The following ADAMTSL3 variants were observed in gnomAD, a reference collection of about 807,000 sequenced individuals.
ADAMTSL3 encodes ADAMTS-like protein 3.
A neutral mutation model predicts 201.7 loss-of-function variants in ADAMTSL3; 128 were observed. The observed-to-expected ratio is 0.63, with a 90% CI of 0.55 to 0.73. The LOEUF is 0.73. Ranked by LOEUF, ADAMTSL3 falls within the 30% of genes least tolerant of loss-of-function variation. The pLI is 0.00. For missense variants in ADAMTSL3, 1,990 were observed against 2,119.6 expected (o/e 0.94, Z 1.20); for synonymous variants, 738 against 748.4 (o/e 0.99, Z 0.23).
At chr15:83,701,111 G>C (rs2061770398) in intron 2 of ADAMTSL3, among the ~76,000 whole-genome samples, 1 of 152,150 alleles carries the variant, frequency 6.6e-6, no homozygotes. Flanking sequence ...TTTTCTTAGA[G>C]TAACACCTGT....
rs2066199766 is a variant in ADAMTSL3, at chr15:83,923,997, T to C, written c.2081T>C (p.Met694Thr). The C allele has an allele frequency of 1.2e-6, 2 of 1,614,148 alleles. No individual in the cohort carries two copies. Among genetic ancestry groups the C allele is most frequent in the African/African-American group, 1.3e-5 (1 of 75,068 alleles). ...GATATGGTCCACCGTCCTCCAGCCATGAGCCAGGCCTGTAACACAGAGCCC... is the reference window on the plus strand; with the variant it reads ...GATATGGTCCACCGTCCTCCAGCCACGAGCCAGGCCTGTAACACAGAGCCC... The part of the protein sequence containing the change: ...LCDMVHRPPA[M>T]SQACNTEPCP... Residue 694 changes from methionine to threonine, a missense_variant, in exon 17 of 30, where the codon ATG (methionine) becomes ACG (threonine). By Grantham distance (81) the Met-to-Thr change is moderately conservative. Transcript: ENST00000286744.
rs80283517 is a variant in ADAMTSL3, at chr15:83,812,704, C to G, written c.364-7107C>G. Among the ~76,000 whole-genome samples, 1,558 of 152,294 alleles carry G rather than the reference C, an allele frequency of 0.01. 101 individuals carry two copies. In the East Asian group the frequency reaches 0.18, roughly 18 times the overall value. ...CCATGGGAATGCCTGAAGGCTCAGG[C>G]TGTCAGCCTTAAGACCATGGGTTGT... is the stretch of plus-strand genomic sequence containing the variant. On this transcript the variant is annotated intron_variant, in intron 5 of 29. Coordinates refer to ENST00000286744, the MANE Select transcript of ADAMTSL3 (RefSeq NM_207517.3).
At chr15:83,927,046 G>C (rs2066259260) in intron 17 of ADAMTSL3, among the ~76,000 whole-genome samples, 1 of 151,950 alleles carries the variant, frequency 6.6e-6, no homozygotes, top group Non-Finnish European at 1.5e-5. Context: ...TCCCAACCAT[G>C]GCCCCCATGC....
At position 83,704,471 on chromosome 15, in the gene ADAMTSL3, CAG is replaced by C. The variant is rs1182991134; in HGVS notation, c.153_154del (p.Glu53AlafsTer8). The stretch of plus-strand genomic sequence containing the variant: ...CAGGGAAGTTTTCTGGAAGACACAA[CAG>C]GGGAGCAGTTCCTCACTTATCGCTA... On this transcript the variant is annotated frameshift_variant, in exon 3 of 30. Transcript: ENST00000286744. LOFTEE classifies it high-confidence loss of function. The C allele has an allele frequency of 6.2e-7, 1 of 1,614,078 alleles. No individual in the cohort carries two copies. The highest frequency in any genetic ancestry group is 1.3e-5 in the African/African-American group (1 of 74,930).
chr15:84,034,438 G>C (rs1337736207), intron 28 of ADAMTSL3, among the ~76,000 whole-genome samples: 2 of 152,142 alleles, frequency 1.3e-5, no homozygotes, highest in African/African-American at 4.8e-5. Context: ...GGAAGGTTTT[G>C]GGAGCTGTGG....
chr15:83,974,891 G>T (rs1477433041), intron 20 of ADAMTSL3, among the ~76,000 whole-genome samples: 2 of 151,178 alleles, frequency 1.3e-5, no homozygotes, highest in Non-Finnish European at 2.9e-5. Context: ...CTATTTTATT[G>T]AAATGTCAAG....
intron 1 of ADAMTSL3, among the ~76,000 whole-genome samples, chr15:83,655,502 G>A (rs548381787): frequency 6.6e-6 from 1 of 152,330 alleles, no homozygotes; most frequent in Admixed American, 6.5e-5. Context: ...GGTATGAGAT[G>A]CCCACTGGAG....
chr15:83,762,679 A>T (rs1311610727), intron 3 of ADAMTSL3, among the ~76,000 whole-genome samples: 1 of 152,158 alleles, frequency 6.6e-6, no homozygotes, highest in Non-Finnish European at 1.5e-5. Flanking sequence ...TAAAGGCCAC[A>T]CTTCTTAATA....
chr15:83,799,042 A>G (rs2063477856), intron 4 of ADAMTSL3, among the ~76,000 whole-genome samples: 1 of 152,030 alleles, frequency 6.6e-6, no homozygotes, highest in Non-Finnish European at 1.5e-5. Context: ...TTTTGGAAGT[A>G]CTCTGAGATT....
At chr15:83,848,975 C>T (rs772068055) in intron 7 of ADAMTSL3, among the ~76,000 whole-genome samples, 2 of 152,102 alleles carry the variant, frequency 1.3e-5, no homozygotes, top group African/African-American at 2.4e-5. Flanking sequence ...TCTCTTACCA[C>T]CAAATTTCAA....
intron 3 of ADAMTSL3, among the ~76,000 whole-genome samples, chr15:83,706,313 GC>G (rs2061850599): frequency 6.6e-6 from 1 of 152,106 alleles, no homozygotes; most frequent in African/African-American, 2.4e-5. Flanking sequence ...GGGAAAACAA[GC>G]CCCTTCAGTC....
At chr15:83,807,453 C>CAATA (rs1257917843) in intron 5 of ADAMTSL3, among the ~76,000 whole-genome samples, 1 of 151,850 alleles carries the variant, frequency 6.6e-6, no homozygotes, top group Non-Finnish European at 1.5e-5. Flanking sequence ...GAGACTGTCT[C>CAATA]AATAAATAAA....
rs573034294 is a variant in ADAMTSL3 at position 83,763,006 on chromosome 15, C to G, written c.190-10517C>G. 2.0e-5 allele frequency among the ~76,000 whole-genome samples: 3 copies of G among 152,238 alleles called. No individual in the cohort carries two copies. In the South Asian group the frequency reaches 6.2e-4, roughly 32 times the overall value. ...GGTTCAAGCAATTCTCGTGCCTCAG[C>G]CTCCTGAGTAACTGGGACTACAAGT... On this transcript the variant is annotated intron_variant, in intron 3 of 29. Coordinates refer to ENST00000286744, the MANE Select transcript of ADAMTSL3 (RefSeq NM_207517.3).
At chr15:84,026,502 T>C (rs2068310771) in intron 27 of ADAMTSL3, among the ~76,000 whole-genome samples, 1 of 152,152 alleles carries the variant, frequency 6.6e-6, no homozygotes, top group African/African-American at 2.4e-5. Context: ...AAAACAATTT[T>C]GAAAAGGAAC....
chr15:84,022,614 C>T (rs1229211771), intron 26 of ADAMTSL3, among the ~76,000 whole-genome samples: 1 of 152,178 alleles, frequency 6.6e-6, no homozygotes, highest in Non-Finnish European at 1.5e-5. Context: ...CCAAAATTCC[C>T]AGCACTGGGG....
chr15:83,975,496 G>C (rs1053209901), intron 20 of ADAMTSL3, among the ~76,000 whole-genome samples: 9 of 152,196 alleles, frequency 5.9e-5, no homozygotes, highest in African/African-American at 1.9e-4. Flanking sequence ...ACCCTCTTGG[G>C]CTGGCGGCAC....
chr15:83,822,072 G>T (rs1337358560), intron 6 of ADAMTSL3, among the ~76,000 whole-genome samples: 1 of 147,686 alleles, frequency 6.8e-6, no homozygotes, highest in Non-Finnish European at 1.5e-5. Flanking sequence ...CAGTAGGGGC[G>T]GCCGGGCAGA....
chr15:83,816,656 G>T (rs1038088870), intron 5 of ADAMTSL3, among the ~76,000 whole-genome samples: 1 of 152,284 alleles, frequency 6.6e-6, no homozygotes, highest in Admixed American at 6.5e-5. Context: ...ATGTAATTTT[G>T]TAACTGATGA....
At chr15:83,852,508 A>C (rs930162671) in intron 7 of ADAMTSL3, among the ~76,000 whole-genome samples, 1 of 152,190 alleles carries the variant, frequency 6.6e-6, no homozygotes, top group East Asian at 1.9e-4. Flanking sequence ...TCAGTGTTAC[A>C]ACAACTTTGT....
Sources: gnomAD v4.1 joint callset for allele counts (sites outside exome capture counted in the v4.1 genomes callset) on GRCh38, gnomAD v4.1.1 for gene constraint, MANE v1.5 for transcripts, NCBI Gene and HGNC (gene_info 2026-07-23, HGNC 2026-07-21) for gene names.